The following ADAM28 variants were observed in gnomAD, a reference collection of about 807,000 sequenced individuals.
The protein encoded by ADAM28 is disintegrin and metalloproteinase domain-containing protein 28.
ADAM28 carries 105 observed loss-of-function variants against 101.2 expected under a neutral mutation model. That is an observed-to-expected ratio of 1.04 (90% confidence interval 0.89 to 1.22). The LOEUF is 1.22. ADAM28 is among the 50% of genes most tolerant of loss of function. ADAM28 has a pLI of 0.00. For missense variants in ADAM28, 1,028 were observed against 945.4 expected (o/e 1.09, Z -1.15); for synonymous variants, 322 against 310.6 (o/e 1.04, Z -0.39).
chr8:24,345,202 T>C (rs1321879570), intron 18 of ADAM28, among the ~76,000 whole-genome samples: 1 of 152,082 alleles, frequency 6.6e-6, no homozygotes, highest in African/African-American at 2.4e-5. Flanking sequence ...CATTAAGATG[T>C]TACCTAGTGA....
At chr8:24,349,826 T>C (rs1378188548) in intron 18 of ADAM28, 38 bp from the exon 19 acceptor site, 1 of 1,525,308 alleles carries the variant, frequency 6.6e-7, no homozygotes, top group Non-Finnish European at 9.1e-7. Context: ...AGATGTGTGT[T>C]TCTGCAGTCC....
intron 15 of ADAM28, chr8:24,341,217 G>C (rs1814721275): frequency 6.2e-6 from 1 of 161,848 alleles, no homozygotes; most frequent in African/African-American, 2.4e-5. Context: ...TGTTTCTCTA[G>C]GCCTATGATA....
At chr8:24,343,677 T>C in intron 18 of ADAM28, 93 bp downstream of exon 18, 1 of 1,163,246 alleles carries the variant, frequency 8.6e-7, no homozygotes, top group Non-Finnish European at 1.2e-6. Context: ...TTCTTTTCTC[T>C]GTTCTTGAAA....
chr8:24,331,282 C>T lies in ADAM28; in HGVS notation c.1236C>T (p.Asn412=), dbSNP rs1207198476. ...TDIISTPICG[N]QLVEMGEDCD... ...TCATATCCACTCCAATTTGTGGGAA[C>T]CAGTTGGTGGAAATGGGAGAGGACT... The change falls in exon 12 of 23, where the codon AAC becomes AAT. Residue 412 remains asparagine (N), a synonymous_variant. Transcript: ENST00000265769. 2 of 1,612,500 alleles carry T rather than the reference C, an allele frequency of 1.2e-6. No individual in the cohort carries two copies. The highest frequency in any genetic ancestry group is 4.5e-5 in the East Asian group (2 of 44,826).
At chr8:24,297,169 G>T (rs421119) in intron 1 of ADAM28, among the ~76,000 whole-genome samples, 96,487 of 137,370 alleles carry the variant, frequency 0.7, 31,416 homozygotes, top group Middle Eastern at 0.83. Context: ...GTTTTTTTTT[G>T]TTGTTGTTGT....
At chr8:24,327,259 G>C (rs1812749721) in intron 10 of ADAM28, among the ~76,000 whole-genome samples, 1 of 151,912 alleles carries the variant, frequency 6.6e-6, no homozygotes, top group African/African-American at 2.4e-5. Context: ...AACAGACAGA[G>C]AGCCAAATCA....
intron 1 of ADAM28, among the ~76,000 whole-genome samples, chr8:24,296,417 G>A (rs995933298): frequency 6.6e-6 from 1 of 152,206 alleles, no homozygotes; most frequent in Non-Finnish European, 1.5e-5. Context: ...ATATCCTTGT[G>A]TAAACCCTAA....
Position 24,356,898 on chromosome 8 carries a change from A to C in ADAM28, c.*2494A>C, listed in dbSNP as rs1816722783. 1 of 152,186 alleles carries C rather than the reference A, an allele frequency of 6.6e-6. No homozygotes were observed. The highest frequency in any genetic ancestry group is 2.4e-5 in the African/African-American group (1 of 41,440). 9.4% of individuals were successfully genotyped at this position (152,186 alleles called of 1,614,324 possible). On this transcript the variant is annotated 3_prime_UTR_variant, in exon 23 of 23. Coordinates refer to ENST00000265769, the MANE Select transcript of ADAM28 (RefSeq NM_014265.6). ...TTGGGAAGGCTTTTAGCTTTTTATA[A>C]AATAATGAAGTATGCATGAAAAGAA...
At chr8:24,330,147 T>C in intron 11 of ADAM28, 32 bp downstream of exon 11, 4 of 1,600,758 alleles carry the variant, frequency 2.5e-6, no homozygotes, top group East Asian at 2.2e-5. Flanking sequence ...GGACATGCTA[T>C]GTAGCCCTGG....
intron 9 of ADAM28, among the ~76,000 whole-genome samples, chr8:24,326,315 T>C (rs1201821009): frequency 2.0e-5 from 3 of 152,054 alleles, no homozygotes; most frequent in Non-Finnish European, 2.9e-5. Flanking sequence ...TGAAAAGTGT[T>C]ATAATCAGAA....
chr8:24,339,504 G>A lies in ADAM28; in HGVS notation c.1606G>A (p.Glu536Lys), dbSNP rs200784274. 1.0e-4 allele frequency: 165 copies of A among 1,613,546 alleles called. No individual in the cohort carries two copies. The East Asian group carries it at 2.9e-3, about 28-fold the overall frequency. ...VADKSCYNRN[E>K]GGSKYGYCRR... ...AGATAAGTCATGTTACAACAGGAATGAAGGTGGGTCAAAGTACGGGTACTG... is the reference window on the plus strand; with the variant it reads ...AGATAAGTCATGTTACAACAGGAATAAAGGTGGGTCAAAGTACGGGTACTG... Residue 536 changes from glutamate to lysine, a missense_variant, in exon 15 of 23, where the codon GAA becomes AAA. Transcript: ENST00000265769.
chr8:24,348,916 T>G (rs2129337770), intron 18 of ADAM28, among the ~76,000 whole-genome samples: 1 of 152,310 alleles, frequency 6.6e-6, no homozygotes, highest in Non-Finnish European at 1.5e-5. Context: ...AGTGTATGTT[T>G]TTCATTCTGA....
intron 15 of ADAM28, among the ~76,000 whole-genome samples, chr8:24,340,623 C>T (rs1490503534): frequency 6.6e-6 from 1 of 152,122 alleles, no homozygotes; most frequent in Non-Finnish European, 1.5e-5. Flanking sequence ...CACAAACTAC[C>T]CTCCTAGTCA....
rs774655105 is a variant in ADAM28, at chr8:24,339,555, C to A, written c.1657C>A (p.Pro553Thr). The change falls in exon 15 of 23, where the codon CCC becomes ACC. Residue 553 changes from proline to threonine, a missense_variant. Physicochemically the swap from Pro to Thr is conservative, Grantham distance 38 (BLOSUM62 -1). Transcript: ENST00000265769. ...TCGCAGAGTGGATGACACACTCATT[C>A]CCTGCAAAGCAAAGTAAGTGGCCTT... Reference protein sequence around the residue: ...YCRRVDDTLIPCKANDTMCGK... With the variant: ...YCRRVDDTLITCKANDTMCGK... 1 of 1,611,738 alleles carries A rather than the reference C, an allele frequency of 6.2e-7. No individual in the cohort carries two copies. The highest frequency in any genetic ancestry group is 8.5e-7 in the Non-Finnish European group (1 of 1,178,862).
chr8:24,335,936 A>C (rs544709377), intron 14 of ADAM28: 1 of 1,110,578 alleles, frequency 9.0e-7, no homozygotes, highest in East Asian at 4.6e-5. Context: ...GCTCATACTA[A>C]AATTATTTGT....
chr8:24,351,467 C>G, intron 20 of ADAM28, 157 bp downstream of exon 20: 1 of 771,770 alleles, frequency 1.3e-6, no homozygotes. Context: ...GCAAAAGAGT[C>G]CCTAAAATGC....
At chr8:24,331,114 G>A (rs1279955400) in intron 11 of ADAM28, 36 bp from the exon 12 acceptor site, 10 of 1,573,118 alleles carry the variant, frequency 6.4e-6, no homozygotes, top group African/African-American at 1.4e-5. Flanking sequence ...TGTTAAGCAT[G>A]ACTATATTCC....
In ADAM28 at chr8:24,339,554, T is replaced by C; in HGVS notation, c.1656T>C (p.Ile552=). Residue 552 remains isoleucine (I), a synonymous_variant, in exon 15 of 23, where the codon ATT becomes ATC. Coordinates refer to ENST00000265769, the MANE Select transcript of ADAM28 (RefSeq NM_014265.6). Reference sequence around the variant, plus strand: ...GTCGCAGAGTGGATGACACACTCATTCCCTGCAAAGCAAAGTAAGTGGCCT... The same window carrying C: ...GTCGCAGAGTGGATGACACACTCATCCCCTGCAAAGCAAAGTAAGTGGCCT... ...GYCRRVDDTL[I]PCKANDTMCG... The C allele has an allele frequency of 6.2e-7, 1 of 1,611,980 alleles. No homozygotes were observed. The highest frequency in any genetic ancestry group is 8.5e-7 in the Non-Finnish European group (1 of 1,178,984).
At position 24,354,441 on chromosome 8, in the gene ADAM28, A is replaced by C; in HGVS notation, c.*37A>C. Reference sequence around the variant, plus strand: ...AGCAAGAACTAATGGCTAAATTATCAACTTGGAAAACTGGAAAATCTGGAT... The same window carrying C: ...AGCAAGAACTAATGGCTAAATTATCCACTTGGAAAACTGGAAAATCTGGAT... On this transcript the variant is annotated 3_prime_UTR_variant, in exon 23 of 23. Transcript: ENST00000265769. The C allele has an allele frequency of 6.3e-7, 1 of 1,594,162 alleles. No individual in the cohort carries two copies. Among genetic ancestry groups the C allele is most frequent in the Non-Finnish European group, 8.5e-7 (1 of 1,170,272 alleles).
Sources: allele counts gnomAD v4.1 joint callset (sites outside exome capture counted in the v4.1 genomes callset), GRCh38; gene constraint gnomAD v4.1.1; transcripts MANE v1.5; gene names NCBI Gene and HGNC (gene_info 2026-07-23, HGNC 2026-07-21).